ZNF385D: variants seen among roughly 807,000 people sequenced by gnomAD.
ZNF385D encodes zinc finger protein 659.
In ZNF385D, 15 loss-of-function variants were observed where a neutral mutation model predicts 35.8. The ratio of observed to expected loss-of-function variants is 0.42; its 90% CI spans 0.28 to 0.64. The LOEUF (loss-of-function observed/expected upper bound fraction) is 0.64. ZNF385D is among the 30% of genes least tolerant of loss of function. The probability of loss-of-function intolerance (pLI) is 0.23; values close to 1 mark genes in which losing one functional copy is unlikely to be tolerated. For synonymous variants in ZNF385D, 212 were observed against 186.8 expected, an observed-to-expected ratio of 1.13 and a Z score of -1.10; for missense variants, 474 against 494.6, an observed-to-expected ratio of 0.96 and a Z score of 0.39.
At chr3:22,211,642 C>G (rs1228680020) in intron 2 of ZNF385D, among the ~76,000 whole-genome samples, 2 of 151,864 alleles carry the variant, frequency 1.3e-5, no homozygotes, top group Non-Finnish European at 2.9e-5. Context: ...AGAGTGCTGC[C>G]TTGGGGCAGA....
chr3:22,215,428 A>G (rs1044221984), intron 2 of ZNF385D, among the ~76,000 whole-genome samples: 3 of 152,018 alleles, frequency 2.0e-5, no homozygotes, highest in African/African-American at 7.2e-5. Context: ...CCCTGAAGGT[A>G]GGCCTCTAAA....
intron 3 of ZNF385D, among the ~76,000 whole-genome samples, chr3:21,844,447 A>ATTAGACATTATAGATGGTGCTTTCTTG (rs1317054460): frequency 6.7e-6 from 1 of 150,098 alleles, no homozygotes; most frequent in African/African-American, 2.5e-5. Context: ...GGATTTTGAT[A>ATTAGACATTATAGATGGTGCTTTCTTG]GGCAACCTGG....
At chr3:21,567,198 T>A (rs534627424) in intron 2 of ZNF385D, among the ~76,000 whole-genome samples, 110 of 152,314 alleles carry the variant, frequency 7.2e-4, no homozygotes, top group Non-Finnish European at 1.4e-3. Context: ...CCTAAGATCA[T>A]TCCTAAAATC....
chr3:21,909,647 G>A (rs1047366229), intron 3 of ZNF385D, among the ~76,000 whole-genome samples: 1 of 151,984 alleles, frequency 6.6e-6, no homozygotes, highest in Non-Finnish European at 1.5e-5. Flanking sequence ...ATTCCTCTTG[G>A]ATACTGTAGC....
intron 3 of ZNF385D, among the ~76,000 whole-genome samples, chr3:21,983,157 T>G (rs371586609): frequency 1.3e-5 from 1 of 75,052 alleles, no homozygotes; most frequent in African/African-American, 9.4e-5. Flanking sequence ...TTATTTTATT[T>G]TATTTTATTA....
chr3:22,207,570 C>A (rs1697237874), intron 2 of ZNF385D, among the ~76,000 whole-genome samples: 1 of 151,720 alleles, frequency 6.6e-6, no homozygotes, highest in Non-Finnish European at 1.5e-5. Flanking sequence ...CATAGGCATG[C>A]AAAGCAAAAA....
intron 2 of ZNF385D, among the ~76,000 whole-genome samples, chr3:22,169,514 T>C (rs1019191685): frequency 2.6e-5 from 4 of 152,190 alleles, no homozygotes; most frequent in African/African-American, 9.7e-5. Flanking sequence ...AGTTCTTATA[T>C]TCCTTACTAG....
intron 4 of ZNF385D, among the ~76,000 whole-genome samples, chr3:21,466,016 G>A (rs1470802315): frequency 1.3e-5 from 2 of 152,048 alleles, no homozygotes; most frequent in Non-Finnish European, 2.9e-5. Context: ...ATAGCAGAGT[G>A]GTCTACGACC....
intron 3 of ZNF385D, among the ~76,000 whole-genome samples, chr3:21,977,287 T>C (rs1264935875): frequency 6.6e-6 from 1 of 152,110 alleles, no homozygotes; most frequent in Non-Finnish European, 1.5e-5. Context: ...TTATGATTTG[T>C]GTTTGTGTGC....
At chr3:21,921,525 G>A (rs1575920860) in intron 3 of ZNF385D, among the ~76,000 whole-genome samples, 1 of 119,526 alleles carries the variant, frequency 8.4e-6, no homozygotes, top group African/African-American at 2.6e-5. Flanking sequence ...TAAATCTTAT[G>A]ATATCAAAGC....
intron 1 of ZNF385D, among the ~76,000 whole-genome samples, chr3:21,729,633 G>T (rs958946988): frequency 2.6e-5 from 4 of 152,110 alleles, no homozygotes; most frequent in African/African-American, 9.7e-5. Context: ...CTTGAATTGG[G>T]CTGTCAATTG....
chr3:22,074,544 T>C (rs1177545470), intron 3 of ZNF385D, among the ~76,000 whole-genome samples: 2 of 151,956 alleles, frequency 1.3e-5, no homozygotes, highest in Non-Finnish European at 2.9e-5. Context: ...GCCTGAATGT[T>C]TCCCTTTTTA....
chr3:22,021,932 G>A lies in ZNF385D; in HGVS notation c.325+146885C>T, dbSNP rs141679542. ...TTCTAATGTGCAGACAAGTTTGACG[G>A]CCTCTGTTCTCACTTGTTCTGGAAA... On this transcript the variant is annotated intron_variant, in intron 3 of 5. Transcript: ENST00000494108. Among the ~76,000 whole-genome samples the A allele has an allele frequency of 1.9e-3, 285 of 152,132 alleles. 2 individuals carry two copies. Among genetic ancestry groups the A allele is most frequent in the South Asian group, 5.0e-3 (24 of 4,816 alleles).
chr3:21,856,006 C>T (rs779763973), intron 3 of ZNF385D, among the ~76,000 whole-genome samples: 3 of 151,822 alleles, frequency 2.0e-5, no homozygotes, highest in Non-Finnish European at 4.4e-5. Context: ...TAAAGATATA[C>T]ATATATAGTA....
chr3:21,881,096 G>C (rs947056354), intron 3 of ZNF385D, among the ~76,000 whole-genome samples: 1 of 152,000 alleles, frequency 6.6e-6, no homozygotes, highest in African/African-American at 2.4e-5. Context: ...GCTGCAAGTA[G>C]TGATGTAGAA....
intron 3 of ZNF385D, among the ~76,000 whole-genome samples, chr3:21,899,419 T>TA (rs1212820610): frequency 6.6e-6 from 1 of 152,134 alleles, no homozygotes; most frequent in Non-Finnish European, 1.5e-5. Flanking sequence ...ACATCAGAGT[T>TA]ATCTAAAGGG....
chr3:22,235,737 A>T (rs1184208412), intron 2 of ZNF385D, among the ~76,000 whole-genome samples: 1 of 152,152 alleles, frequency 6.6e-6, no homozygotes, highest in Non-Finnish European at 1.5e-5. Context: ...CTTATCAAAG[A>T]TTAATATGCT....
chr3:22,142,304 G>T (rs1449191408), intron 3 of ZNF385D, among the ~76,000 whole-genome samples: 10 of 152,006 alleles, frequency 6.6e-5, no homozygotes, highest in Non-Finnish European at 1.3e-4. Flanking sequence ...ATTAGATTTT[G>T]GGAGATTCAT....
chr3:21,728,379 G>A (rs1160901684), intron 1 of ZNF385D, among the ~76,000 whole-genome samples: 3 of 152,002 alleles, frequency 2.0e-5, no homozygotes, highest in East Asian at 1.9e-4. Context: ...CTCAGGTTAT[G>A]GAAAAACAGA....
Sources: allele counts gnomAD v4.1 joint callset (sites outside exome capture counted in the v4.1 genomes callset), GRCh38; gene constraint gnomAD v4.1.1; transcripts MANE v1.5; gene names NCBI Gene and HGNC (gene_info 2026-07-23, HGNC 2026-07-21).